C8orf74: variants seen among roughly 807,000 people sequenced by gnomAD.
The protein encoded by C8orf74 is chromosome 8 open reading frame 74.
Under a neutral mutation model 22.2 loss-of-function variants are expected in C8orf74, and 29 were observed. The ratio of observed to expected loss-of-function variants is 1.31; its 90% CI spans 0.97 to 1.78. The LOEUF (loss-of-function observed/expected upper bound fraction) is 1.78, where lower values mean the gene tolerates loss of function less well. C8orf74 is among the 40% of genes most tolerant of loss of function. The pLI is 0.00. For missense variants in C8orf74, 515 were observed against 369.9 expected (o/e 1.39, Z -3.22); for synonymous variants, 255 against 163.1 (o/e 1.56, Z -4.30).
At chr8:10,686,466 G>A (rs1206793710) in intron 2 of C8orf74, 2 of 152,312 alleles carry the variant, frequency 1.3e-5, no homozygotes. Context: ...TTAGCACTGG[G>A]CAGCAACCAC....
At chr8:10,693,415 C>T (rs1269767778) in intron 2 of C8orf74, among the ~76,000 whole-genome samples, 1 of 152,174 alleles carries the variant, frequency 6.6e-6, no homozygotes, top group Non-Finnish European at 1.5e-5. Context: ...TGTTTCCTCC[C>T]CACTCCTCAA....
chr8:10,678,579 C>T (rs1279355625), intron 2 of C8orf74, among the ~76,000 whole-genome samples: 1 of 145,348 alleles, frequency 6.9e-6, no homozygotes, highest in Non-Finnish European at 1.5e-5. Context: ...AGAGGCAGGA[C>T]CAGGAAGTAA....
At chr8:10,700,210 C>T in intron 3 of C8orf74, 25 bp from the exon 4 acceptor site, 1 of 1,511,478 alleles carries the variant, frequency 6.6e-7, no homozygotes, top group Non-Finnish European at 9.1e-7. Context: ...CAGCCCTGCT[C>T]ATCGGCCTTC....
rs182570844 is a variant in C8orf74 at position 10,680,173 on chromosome 8, C to A, written c.241+5335C>A. Among the ~76,000 whole-genome samples the A allele has an allele frequency of 3.1e-4, 47 of 152,358 alleles. No homozygotes were observed. In the East Asian group the frequency reaches 8.7e-3, roughly 28 times the overall value. On this transcript the variant is annotated intron_variant, in intron 2 of 3. Coordinates refer to ENST00000304519, the MANE Select transcript of C8orf74 (RefSeq NM_001040032.2). ...TTGCCCCAGTGACGCTCCTTCCACA[C>A]TGCAAGCACCGCCAATGTGAGAGGC...
chr8:10,680,645 C>T (rs1799129388), intron 2 of C8orf74, among the ~76,000 whole-genome samples: 1 of 152,244 alleles, frequency 6.6e-6, no homozygotes. Context: ...AGGCCCAGAC[C>T]ACCTCTGACC....
intron 3 of C8orf74, among the ~76,000 whole-genome samples, chr8:10,698,286 G>C (rs1799575916): frequency 6.6e-6 from 1 of 152,198 alleles, no homozygotes. Context: ...AGGCCTGGCT[G>C]ACCCTGAAGT....
At chr8:10,676,907 C>G (rs963435178) in intron 2 of C8orf74, among the ~76,000 whole-genome samples, 3 of 152,208 alleles carry the variant, frequency 2.0e-5, no homozygotes, top group Non-Finnish European at 2.9e-5. Context: ...CGAACTCTTT[C>G]AAGTCCCCAT....
chr8:10,695,229 C>T (rs139006309), intron 2 of C8orf74, among the ~76,000 whole-genome samples: 5 of 152,220 alleles, frequency 3.3e-5, no homozygotes, highest in East Asian at 1.9e-4. Flanking sequence ...TTCCAACAAG[C>T]CTGTGAAGTC....
intron 2 of C8orf74, chr8:10,687,335 A>G: frequency 3.1e-6 from 1 of 317,730 alleles, no homozygotes; most frequent in South Asian, 2.5e-5. Context: ...GTTTTTATTA[A>G]AAGTCTTGCA....
In C8orf74 at chr8:10,678,356, C is replaced by T. The variant is rs914277041; in HGVS notation, c.241+3518C>T. 3.3e-5 allele frequency among the ~76,000 whole-genome samples: 5 copies of T among 152,336 alleles called. No homozygotes were observed. The South Asian group carries it at 6.2e-4, about 19-fold the overall frequency. ...AGCATGGTGCTCGGTGCCTAGGAAGCGCCCAGTGAGTGGCACCTTTATTTT... is the reference window on the plus strand; with the variant it reads ...AGCATGGTGCTCGGTGCCTAGGAAGTGCCCAGTGAGTGGCACCTTTATTTT... On this transcript the variant is annotated intron_variant, in intron 2 of 3. Coordinates refer to ENST00000304519, the MANE Select transcript of C8orf74 (RefSeq NM_001040032.2).
At chr8:10,672,801 A>G (rs1193990179) in intron 1 of C8orf74, 88 bp downstream of exon 1, 2 of 1,254,676 alleles carry the variant, frequency 1.6e-6, no homozygotes, top group Non-Finnish European at 2.3e-6. Context: ...CCTCTTCAGG[A>G]GACCCCGGGG....
intron 2 of C8orf74, among the ~76,000 whole-genome samples, chr8:10,685,427 G>A (rs556290734): frequency 6.6e-6 from 1 of 152,354 alleles, no homozygotes; most frequent in African/African-American, 2.4e-5. Flanking sequence ...TAAGCAGAAT[G>A]TGATCTATCC....
At chr8:10,686,438 G>C (rs927827402) in intron 2 of C8orf74, 3 of 152,252 alleles carry the variant, frequency 2.0e-5, no homozygotes, top group Non-Finnish European at 4.4e-5. Context: ...TGTAGTCATA[G>C]TATTATTTCC....
intron 3 of C8orf74, among the ~76,000 whole-genome samples, chr8:10,698,876 G>A (rs1799588600): frequency 6.8e-6 from 1 of 147,380 alleles, no homozygotes; most frequent in Non-Finnish European, 1.5e-5. Flanking sequence ...GCCCTGGGAA[G>A]TATTCCTTTA....
Position 10,672,630 on chromosome 8 carries a change from T to A in C8orf74, c.-36T>A. ...CAGGGTTCCGGAAACTCTGAGTCAG[T>A]CTGGCTCCGTCTCCTGGCAACCAGA... On this transcript the variant is annotated 5_prime_UTR_variant, in exon 1 of 4. Transcript: ENST00000304519. 1.3e-6 allele frequency: 2 copies of A among 1,554,580 alleles called. No individual in the cohort carries two copies. The highest frequency in any genetic ancestry group is 2.4e-5 in the East Asian group (1 of 41,194).
At chr8:10,680,457 A>G (rs1799125720) in intron 2 of C8orf74, among the ~76,000 whole-genome samples, 1 of 152,222 alleles carries the variant, frequency 6.6e-6, no homozygotes, top group Non-Finnish European at 1.5e-5. Context: ...GGATGGTCCC[A>G]TATCCACATC....
intron 2 of C8orf74, among the ~76,000 whole-genome samples, chr8:10,683,309 G>A (rs993547691): frequency 6.6e-6 from 1 of 152,202 alleles, no homozygotes; most frequent in African/African-American, 2.4e-5. Flanking sequence ...GTGCCCTTTG[G>A]CTAAGGTGTC....
At chr8:10,677,874 T>A (rs962432267) in intron 2 of C8orf74, among the ~76,000 whole-genome samples, 1 of 152,154 alleles carries the variant, frequency 6.6e-6, no homozygotes, top group Non-Finnish European at 1.5e-5. Context: ...CCCGTAACCA[T>A]TTCCCCATCC....
At chr8:10,679,354 A>T (rs1009617698) in intron 2 of C8orf74, among the ~76,000 whole-genome samples, 1 of 152,166 alleles carries the variant, frequency 6.6e-6, no homozygotes, top group Non-Finnish European at 1.5e-5. Context: ...CCCGGACAGC[A>T]GCGGCCTAGG....
Sources: allele counts gnomAD v4.1 joint callset (sites outside exome capture counted in the v4.1 genomes callset), GRCh38; gene constraint gnomAD v4.1.1; transcripts MANE v1.5; gene names NCBI Gene and HGNC (gene_info 2026-07-23, HGNC 2026-07-21).